The following DDX19B variants were observed in gnomAD, a reference collection of about 807,000 sequenced individuals.
The protein encoded by DDX19B is ATP-dependent RNA helicase DDX19B.
A neutral mutation model predicts 58.1 loss-of-function variants in DDX19B; 27 were observed. The observed-to-expected ratio is 0.46, with a 90% CI of 0.34 to 0.64. The LOEUF (loss-of-function observed/expected upper bound fraction) is 0.64. Among genes scored for constraint, DDX19B ranks in the 30% least tolerant of loss-of-function variants. The pLI is 0.01. For missense variants in DDX19B, 399 were observed against 596.5 expected, an observed-to-expected ratio of 0.67 and a Z score of 3.45; for synonymous variants, 187 against 214.4, an observed-to-expected ratio of 0.87 and a Z score of 1.12.
At chr16:70,299,423 A>G (rs756699010) in intron 1 of DDX19B, 69 bp downstream of exon 1, 89 of 1,498,682 alleles carry the variant, frequency 5.9e-5, no homozygotes, top group Middle Eastern at 3.5e-4. Context: ...CCTGGGAAAG[A>G]ATGTTTCCCA....
At chr16:70,324,761 C>T in intron 6 of DDX19B, 74 bp downstream of exon 6, 1 of 1,441,988 alleles carries the variant, frequency 6.9e-7, no homozygotes, top group Admixed American at 2.1e-5. Flanking sequence ...GATTAAAAGA[C>T]AAGCTATGGG....
upstream of DDX19B, among the ~76,000 whole-genome samples, chr16:70,292,205 G>A (rs1157325989): frequency 6.6e-6 from 1 of 152,002 alleles, no homozygotes; most frequent in African/African-American, 2.4e-5. Flanking sequence ...TGTTGCCCAG[G>A]CTGGAGTGCA....
chr16:70,294,897 A>T, upstream of DDX19B: 2 of 1,527,412 alleles, frequency 1.3e-6, no homozygotes, highest in Non-Finnish European at 1.7e-6. Flanking sequence ...GCGGTTTCCC[A>T]TCACCCTGCC....
Position 70,331,715 on chromosome 16 carries a change from A to G in DDX19B, c.1024-7A>G. ...CTCTTCATAAAAAACAATTCTTTTC[A>G]CTACAGACTCGCAAAACAGCTAGTT... On this transcript the variant is annotated splice_region_variant and splice_polypyrimidine_tract_variant and intron_variant, in intron 9 of 11. Transcript: ENST00000288071. 6.2e-7 allele frequency: 1 copy of G among 1,610,858 alleles called. No individual in the cohort carries two copies. Among genetic ancestry groups the G allele is most frequent in the East Asian group, 2.2e-5 (1 of 44,874 alleles).
At chr16:70,307,324 TTTAAGA>T (rs1437722649) in intron 1 of DDX19B, among the ~76,000 whole-genome samples, 1 of 152,218 alleles carries the variant, frequency 6.6e-6, no homozygotes, top group Admixed American at 6.5e-5. Flanking sequence ...ATCATTAATC[TTTAAGA>T]TTAATATTGT....
At chr16:70,291,464 A>AACTACTAAT (rs1297390971), upstream of DDX19B, among the ~76,000 whole-genome samples, 1 of 152,196 alleles carries the variant, frequency 6.6e-6, no homozygotes, top group Non-Finnish European at 1.5e-5. Flanking sequence ...CTGCTGCCAG[A>AACTACTAAT]GTTGTTACTA....
At chr16:70,330,595 AAAAC>A (rs924070158) in intron 9 of DDX19B, among the ~76,000 whole-genome samples, 8 of 152,082 alleles carry the variant, frequency 5.3e-5, no homozygotes, top group African/African-American at 1.4e-4. Context: ...TCTCAATACA[AAAAC>A]AAACAAACAA....
At chr16:70,321,244 G>A (rs1962790214) in intron 5 of DDX19B, among the ~76,000 whole-genome samples, 1 of 152,180 alleles carries the variant, frequency 6.6e-6, no homozygotes, top group African/African-American at 2.4e-5. Flanking sequence ...TCACAGGCGT[G>A]AGCCACTGCG....
At chr16:70,292,541 A>G (rs1961087536), upstream of DDX19B, among the ~76,000 whole-genome samples, 1 of 152,110 alleles carries the variant, frequency 6.6e-6, no homozygotes, top group East Asian at 1.9e-4. Context: ...TTTCTGTGAT[A>G]TTTTTCTCTT....
chr16:70,307,529 A>G (rs1019233235), intron 1 of DDX19B, among the ~76,000 whole-genome samples: 2 of 151,164 alleles, frequency 1.3e-5, no homozygotes, highest in East Asian at 3.9e-4. Context: ...TGCCCAGCCA[A>G]TTTTTCATAT....
chr16:70,312,798 C>A, intron 2 of DDX19B, 141 bp downstream of exon 2: 1 of 658,518 alleles, frequency 1.5e-6, no homozygotes, highest in Non-Finnish European at 2.6e-6. Flanking sequence ...ATTTGTAAAT[C>A]AACAAACTGG....
chr16:70,333,844 T>C lies in DDX19B; in HGVS notation c.*262T>C. 1 of 571,594 alleles carries C rather than the reference T, an allele frequency of 1.7e-6. No individual in the cohort carries two copies. Among genetic ancestry groups the C allele is most frequent in the Non-Finnish European group, 3.1e-6 (1 of 323,374 alleles). 35.4% of individuals were successfully genotyped at this position (571,594 alleles called of 1,614,324 possible). A position where few individuals can be genotyped will look rare whatever the true frequency, so the allele number is the denominator to read the frequency against. ...CCTTTTGGAAGTTTCATCTTTTAAT[T>C]TGGCCAGTGTTTCCTTCATGCTAAT... On this transcript the variant is annotated 3_prime_UTR_variant, in exon 12 of 12. Coordinates refer to ENST00000288071, the MANE Select transcript of DDX19B (RefSeq NM_007242.7).
intron 2 of DDX19B, 29 bp from the exon 3 acceptor site, chr16:70,314,873 T>G: frequency 6.2e-7 from 1 of 1,606,472 alleles, no homozygotes; most frequent in Non-Finnish European, 8.5e-7. Flanking sequence ...GATGCGATTT[T>G]GAATGATGGC....
chr16:70,298,840 T>G (rs759097105), upstream of DDX19B, among the ~76,000 whole-genome samples: 8 of 152,182 alleles, frequency 5.3e-5, no homozygotes, highest in African/African-American at 1.9e-4. Context: ...ATCTGGACAT[T>G]TTAAATTACC....
chr16:70,314,167 G>C (rs1031553477), intron 2 of DDX19B, among the ~76,000 whole-genome samples: 1 of 152,016 alleles, frequency 6.6e-6, no homozygotes, highest in East Asian at 1.9e-4. Flanking sequence ...CTGCTCATTT[G>C]TTATATACAT....
chr16:70,316,198 T>C, intron 4 of DDX19B, 94 bp downstream of exon 4: 5 of 1,500,946 alleles, frequency 3.3e-6, no homozygotes, highest in Non-Finnish European at 4.5e-6. Flanking sequence ...ACAGAGCAGT[T>C]TTAGCTAACC....
intron 1 of DDX19B, 148 bp downstream of exon 1, chr16:70,299,502 T>C (rs2152182134): frequency 4.1e-6 from 4 of 967,084 alleles, no homozygotes; most frequent in African/African-American, 1.7e-5. Context: ...GCTGGCTTTG[T>C]TTACGCAGCC....
chr16:70,323,365 C>T (rs755108496), intron 5 of DDX19B, among the ~76,000 whole-genome samples: 1 of 151,984 alleles, frequency 6.6e-6, no homozygotes, highest in African/African-American at 2.4e-5. Context: ...CTCAACCTCC[C>T]GAAGTGCTGA....
chr16:70,326,114 C>A (rs921550991), intron 7 of DDX19B, among the ~76,000 whole-genome samples: 2 of 152,122 alleles, frequency 1.3e-5, no homozygotes, highest in African/African-American at 4.8e-5. Context: ...AGAATTGTAC[C>A]CCTACCTTTT....
Sources: allele counts gnomAD v4.1 joint callset (sites outside exome capture counted in the v4.1 genomes callset), GRCh38; gene constraint gnomAD v4.1.1; transcripts MANE v1.5; gene names NCBI Gene and HGNC (gene_info 2026-07-23, HGNC 2026-07-21).